Variants in MIPOL1 observed in about 807,000 individuals in gnomAD.
MIPOL1 encodes mirror-image polydactyly gene 1 protein.
MIPOL1 carries 57 observed loss-of-function variants against 60.9 expected under a neutral mutation model. The ratio of observed to expected loss-of-function variants is 0.94; its 90% CI spans 0.76 to 1.17. MIPOL1 has a LOEUF of 1.17. Among genes scored for constraint, MIPOL1 ranks in the 50% most tolerant of loss-of-function variants. The pLI is 0.00. For missense variants in MIPOL1, 551 were observed against 511.6 expected, an observed-to-expected ratio of 1.08 and a Z score of -0.74; for synonymous variants, 179 against 168.8, an observed-to-expected ratio of 1.06 and a Z score of -0.47.
At chr14:37,343,753 A>T (rs572885123) in intron 9 of MIPOL1, among the ~76,000 whole-genome samples, 1 of 152,346 alleles carries the variant, frequency 6.6e-6, no homozygotes, top group South Asian at 2.1e-4. Flanking sequence ...TTCAGAATTC[A>T]TATGATCAAT....
At chr14:37,252,548 G>A (rs187994296) in intron 3 of MIPOL1, among the ~76,000 whole-genome samples, 1 of 151,942 alleles carries the variant, frequency 6.6e-6, no homozygotes, top group East Asian at 1.9e-4. Flanking sequence ...GAAACTTAAT[G>A]AAAGGTAACT....
At chr14:37,199,694 T>C (rs1224090004) in intron 1 of MIPOL1, among the ~76,000 whole-genome samples, 1 of 151,956 alleles carries the variant, frequency 6.6e-6, no homozygotes, top group African/African-American at 2.4e-5. Flanking sequence ...CTGGCTAAGT[T>C]TTGTATTTTT....
intron 3 of MIPOL1, among the ~76,000 whole-genome samples, chr14:37,263,452 G>T (rs958534561): frequency 2.0e-5 from 3 of 152,164 alleles, no homozygotes; most frequent in African/African-American, 4.8e-5. Context: ...TCATTTTTCA[G>T]TTGATAGCAG....
At chr14:37,198,469 T>TGCCCA (rs879316832) in intron 1 of MIPOL1, among the ~76,000 whole-genome samples, 10 of 152,274 alleles carry the variant, frequency 6.6e-5, no homozygotes, top group Admixed American at 1.3e-4. Context: ...ATCGACTCTG[T>TGCCCA]GCCCATGAGA....
intron 10 of MIPOL1, among the ~76,000 whole-genome samples, chr14:37,380,182 A>T (rs899163514): frequency 2.0e-5 from 3 of 152,168 alleles, no homozygotes; most frequent in African/African-American, 7.2e-5. Context: ...GCGGAGAGAA[A>T]GAAGTCAGTA....
intron 11 of MIPOL1, among the ~76,000 whole-genome samples, chr14:37,427,005 G>A (rs755145499): frequency 3.3e-5 from 5 of 152,002 alleles, no homozygotes; most frequent in Non-Finnish European, 5.9e-5. Flanking sequence ...AGACAATTTG[G>A]TGGTTCCTCA....
In MIPOL1 at chr14:37,547,253, A is replaced by G; in HGVS notation, c.*282A>G. 3.1e-6 allele frequency: 1 copy of G among 323,130 alleles called. No homozygotes were observed. The highest frequency in any genetic ancestry group is 5.4e-5 in the East Asian group (1 of 18,452). The allele number at this position is 323,130 out of a possible 1,614,324, so 20.0% of individuals were successfully genotyped here. ...TATTTTATATCTCAATATCTTTAAT[A>G]TAAATCTTTTTACTGAGAGATCATT... On this transcript the variant is annotated 3_prime_UTR_variant, in exon 13 of 13. Coordinates refer to ENST00000684589, the MANE Select transcript of MIPOL1 (RefSeq NM_001388067.1).
rs1193308229 is a variant in MIPOL1, at chr14:37,266,994, C to G, written c.76C>G (p.Pro26Ala). The G allele has an allele frequency of 4.3e-6, 7 of 1,613,722 alleles. No individual in the cohort carries two copies. The Admixed American group carries it at 8.3e-5, about 19-fold the overall frequency. ...ETTGINKSTQPDEQLTMNSEK... is the reference protein window; with the variant it reads ...ETTGINKSTQADEQLTMNSEK... ...TACGGGGATAAATAAAAGTACGCAGCCAGATGAGCAACTGACTATGAATTC... is the reference window on the plus strand; with the variant it reads ...TACGGGGATAAATAAAAGTACGCAGGCAGATGAGCAACTGACTATGAATTC... The change falls in exon 4 of 13, where the codon CCA becomes GCA. Residue 26 changes from proline (P) to alanine (A), a missense_variant. Pro to Ala is a conservative substitution (Grantham distance 27). Coordinates refer to ENST00000684589, the MANE Select transcript of MIPOL1 (RefSeq NM_001388067.1).
chr14:37,268,793 G>T lies in MIPOL1; in HGVS notation c.387G>T (p.Lys129Asn). 6.4e-7 allele frequency: 1 copy of T among 1,558,882 alleles called. No individual in the cohort carries two copies. The highest frequency in any genetic ancestry group is 1.2e-5 in the South Asian group (1 of 84,344). ...ATATTCTCAGAACAAGCAATAAAAA[G>T]GTATAATATGGAAAGTCTGATAATT... is the stretch of plus-strand genomic sequence containing the variant. ...ELDILRTSNK[K>N]LQQKLAKEDK... The change falls in exon 5 of 13, where the codon AAG (lysine) becomes AAT (asparagine). Residue 129 changes from lysine to asparagine, a missense_variant and splice_region_variant. By Grantham distance (94) the Lys-to-Asn change is moderately conservative. Coordinates refer to ENST00000684589, the MANE Select transcript of MIPOL1 (RefSeq NM_001388067.1).
chr14:37,249,645 C>T (rs1973768350), intron 3 of MIPOL1, among the ~76,000 whole-genome samples: 2 of 151,978 alleles, frequency 1.3e-5, no homozygotes, highest in Admixed American at 6.6e-5. Flanking sequence ...GTTAATAGTG[C>T]GTATATTATG....
intron 11 of MIPOL1, among the ~76,000 whole-genome samples, chr14:37,446,966 C>T (rs1054010214): frequency 1.3e-5 from 2 of 151,768 alleles, no homozygotes; most frequent in African/African-American, 4.8e-5. Context: ...GGAGATATAC[C>T]TAATGCTAAA....
chr14:37,457,704 T>G (rs1298808810), intron 11 of MIPOL1, among the ~76,000 whole-genome samples: 1 of 152,222 alleles, frequency 6.6e-6, no homozygotes, highest in Non-Finnish European at 1.5e-5. Context: ...TCTTACTCCT[T>G]TTTCAAGACT....
At chr14:37,230,205 G>A (rs1407890644) in intron 1 of MIPOL1, among the ~76,000 whole-genome samples, 3 of 152,040 alleles carry the variant, frequency 2.0e-5, no homozygotes, top group Non-Finnish European at 1.5e-5. Flanking sequence ...ACATAAATAT[G>A]CATTTAAAAA....
chr14:37,394,983 GC>G (rs1236818053), intron 10 of MIPOL1, among the ~76,000 whole-genome samples: 1 of 152,088 alleles, frequency 6.6e-6, no homozygotes, highest in Non-Finnish European at 1.5e-5. Flanking sequence ...TCCTACATGT[GC>G]CTAGCCAATT....
chr14:37,420,783 C>T (rs1375730597), intron 10 of MIPOL1, among the ~76,000 whole-genome samples: 1 of 152,056 alleles, frequency 6.6e-6, no homozygotes, highest in Non-Finnish European at 1.5e-5. Flanking sequence ...GGATGCAGTA[C>T]TTCAATTAGA....
At chr14:37,491,267 G>C (rs2095043744) in intron 11 of MIPOL1, among the ~76,000 whole-genome samples, 1 of 152,136 alleles carries the variant, frequency 6.6e-6, no homozygotes, top group African/African-American at 2.4e-5. Flanking sequence ...AATGGCTCAG[G>C]CCTGTAATCC....
chr14:37,459,480 C>G (rs901891055), intron 11 of MIPOL1, among the ~76,000 whole-genome samples: 2 of 151,960 alleles, frequency 1.3e-5, no homozygotes, highest in African/African-American at 4.8e-5. Flanking sequence ...AAATAGAAAC[C>G]CTGATCAGAC....
At chr14:37,362,208 T>C (rs754352153) in intron 9 of MIPOL1, among the ~76,000 whole-genome samples, 1 of 152,168 alleles carries the variant, frequency 6.6e-6, no homozygotes, top group Non-Finnish European at 1.5e-5. Flanking sequence ...ATAGCATCAA[T>C]GGTCTTTACA....
intron 9 of MIPOL1, among the ~76,000 whole-genome samples, chr14:37,360,179 C>G (rs914901355): frequency 6.6e-6 from 1 of 152,080 alleles, no homozygotes; most frequent in Non-Finnish European, 1.5e-5. Flanking sequence ...CCGACTTGAT[C>G]TTGGCGGATA....
Sources: gnomAD v4.1 joint callset for allele counts (sites outside exome capture counted in the v4.1 genomes callset) on GRCh38, gnomAD v4.1.1 for gene constraint, MANE v1.5 for transcripts, NCBI Gene and HGNC (gene_info 2026-07-23, HGNC 2026-07-21) for gene names.